The following STON1 variants were observed in gnomAD, a reference collection of about 807,000 sequenced individuals.
STON1 encodes stonin 1.
In STON1, 79 loss-of-function variants were observed where a neutral mutation model predicts 60.9. That is an observed-to-expected ratio of 1.30 (90% CI 1.08 to 1.56). STON1 has a LOEUF of 1.56. Among genes scored for constraint, STON1 ranks in the 40% most tolerant of loss-of-function variants. The pLI is 0.00. For missense variants in STON1, 1,166 were observed against 858.9 expected, an observed-to-expected ratio of 1.36 and a Z score of -4.47; for synonymous variants, 363 against 306.9, an observed-to-expected ratio of 1.18 and a Z score of -1.91.
intron 1 of STON1, among the ~76,000 whole-genome samples, chr2:48,563,588 A>C (rs6729860): frequency 0.34 from 52,403 of 152,080 alleles, 9,189 homozygotes; most frequent in South Asian, 0.41. Context: ...CCAGAGGTAA[A>C]GGTGGACTGT....
intron 1 of STON1, among the ~76,000 whole-genome samples, chr2:48,573,105 C>T (rs1673301993): frequency 6.6e-6 from 1 of 152,214 alleles, no homozygotes; most frequent in South Asian, 2.1e-4. Flanking sequence ...GCTTCATTAT[C>T]CACAAGGGGA....
intron 1 of STON1, among the ~76,000 whole-genome samples, chr2:48,558,641 G>C (rs984366308): frequency 2.6e-5 from 4 of 152,200 alleles, no homozygotes; most frequent in African/African-American, 9.6e-5. Context: ...TTACACTGGC[G>C]TTAACTGGCA....
chr2:48,557,576 A>G lies in STON1; in HGVS notation c.-47-23011A>G, dbSNP rs1210635220. 4.5e-4 allele frequency among the ~76,000 whole-genome samples: 52 copies of G among 115,710 alleles called. 4 individuals are homozygous for G. The highest frequency in any genetic ancestry group is 1.5e-3 in the African/African-American group (48 of 31,532). 75.9% of individuals were successfully genotyped at this position (115,710 alleles called of 152,430 possible). On this transcript the variant is annotated intron_variant, in intron 1 of 3. Transcript: ENST00000404752. ...GCAATCTCGGCACTTTGGGAGGCCA[A>G]GGCAGGCGGCTGGGAGGTGTAGGTT... is the stretch of plus-strand genomic sequence containing the variant.
At chr2:48,572,973 C>T (rs895837383) in intron 1 of STON1, among the ~76,000 whole-genome samples, 3 of 152,208 alleles carry the variant, frequency 2.0e-5, no homozygotes, top group Non-Finnish European at 4.4e-5. Flanking sequence ...TGTTTTTGTG[C>T]CCTCAGGAAT....
rs780204726 is a variant in STON1, at chr2:48,595,326, A to C, written c.*24A>C. On this transcript the variant is annotated 3_prime_UTR_variant, in exon 4 of 4. Transcript: ENST00000404752. ...AGGAGTAGCAAGAGTTTATGATGAC[A>C]GCCCACTTGTCAAATATGTAATTCA... 1.3e-6 allele frequency: 2 copies of C among 1,593,658 alleles called. No homozygotes were observed. The highest frequency in any genetic ancestry group is 1.7e-6 in the Non-Finnish European group (2 of 1,161,924).
At chr2:48,563,601 G>A (rs964094906) in intron 1 of STON1, among the ~76,000 whole-genome samples, 1 of 152,198 alleles carries the variant, frequency 6.6e-6, no homozygotes, top group East Asian at 1.9e-4. Flanking sequence ...TGGACTGTGT[G>A]TTCCCTAGTC....
intron 2 of STON1, among the ~76,000 whole-genome samples, chr2:48,588,754 T>C (rs1674350527): frequency 6.6e-6 from 1 of 152,174 alleles, no homozygotes; most frequent in African/African-American, 2.4e-5. Context: ...CCTTTTTTAC[T>C]GGGGAAATCA....
At chr2:48,555,292 G>T (rs1346449008) in intron 1 of STON1, among the ~76,000 whole-genome samples, 1 of 86,466 alleles carries the variant, frequency 1.2e-5, no homozygotes, top group Non-Finnish European at 2.4e-5. Context: ...CTCACCTCCC[G>T]GACGGGGCGG....
intron 2 of STON1, among the ~76,000 whole-genome samples, chr2:48,586,296 A>C (rs1228534342): frequency 2.0e-5 from 3 of 152,222 alleles, no homozygotes; most frequent in Non-Finnish European, 4.4e-5. Flanking sequence ...AACATCTACT[A>C]AAGTTCTTCT....
At chr2:48,542,112 CGT>C (rs1671680144) in intron 1 of STON1, among the ~76,000 whole-genome samples, 1 of 152,202 alleles carries the variant, frequency 6.6e-6, no homozygotes, top group Non-Finnish European at 1.5e-5. Flanking sequence ...TGCATGTGTA[CGT>C]GTGTCTCTAA....
intron 1 of STON1, among the ~76,000 whole-genome samples, chr2:48,574,797 T>C (rs1673386987): frequency 6.6e-6 from 1 of 152,258 alleles, no homozygotes. Context: ...TCTGGGTACA[T>C]AGTGATCACT....
At position 48,581,863 on chromosome 2, in the gene STON1, C is replaced by G; in HGVS notation, c.1230C>G (p.Tyr410Ter). 6.2e-7 allele frequency: 1 copy of G among 1,614,008 alleles called. No individual in the cohort carries two copies. Among genetic ancestry groups the G allele is most frequent in the Non-Finnish European group, 8.5e-7 (1 of 1,180,024 alleles). The change falls in exon 2 of 4, where the codon TAC (tyrosine) becomes TAG (stop). Residue 410 changes from tyrosine to a stop codon, truncating the protein, a stop_gained. Coordinates refer to ENST00000404752, the MANE Select transcript of STON1 (RefSeq NM_006873.4). LOFTEE classifies it high-confidence loss of function. ...CTGTTTCAAAACCAAAAAAGAACTA[C>G]GAGGAGCAAGAAATTTCCTTGGAAA... is the stretch of plus-strand genomic sequence containing the variant. ...LPAVSKPKKN[Y>*]EEQEISLEIV...
intron 2 of STON1, among the ~76,000 whole-genome samples, chr2:48,591,048 G>A (rs2103956080): frequency 6.6e-6 from 1 of 151,954 alleles, no homozygotes; most frequent in African/African-American, 2.4e-5. Context: ...ATAATTATAA[G>A]ATGTTACTCA....
At position 48,598,276 on chromosome 2, in the gene STON1, A is replaced by G. The variant is rs1674873363; in HGVS notation, c.*2974A>G. 6.6e-6 allele frequency: 1 copy of G among 152,514 alleles called. No homozygotes were observed. The allele number at this position is 152,514 out of a possible 1,614,324, so 9.4% of individuals were successfully genotyped here. Reference sequence around the variant, plus strand: ...AATTTTACAACCTGATGTATATATTAGACAGTTCTAGGATGTTAGTTCCCT... The same window carrying G: ...AATTTTACAACCTGATGTATATATTGGACAGTTCTAGGATGTTAGTTCCCT... On this transcript the variant is annotated 3_prime_UTR_variant, in exon 4 of 4. Coordinates refer to ENST00000404752, the MANE Select transcript of STON1 (RefSeq NM_006873.4).
At chr2:48,585,152 G>A (rs1204609033) in intron 2 of STON1, among the ~76,000 whole-genome samples, 1 of 152,168 alleles carries the variant, frequency 6.6e-6, no homozygotes, top group Non-Finnish European at 1.5e-5. Flanking sequence ...CACAGTAAAT[G>A]GTCTCAAACA....
At chr2:48,531,530 A>G in intron 1 of STON1, 1 of 151,788 alleles carries the variant, frequency 6.6e-6, no homozygotes, top group Non-Finnish European at 1.5e-5. Context: ...CACGATGGGG[A>G]GCCTGTTAAT....
intron 1 of STON1, among the ~76,000 whole-genome samples, chr2:48,579,960 G>A (rs1221710803): frequency 6.6e-6 from 1 of 152,180 alleles, no homozygotes; most frequent in Admixed American, 6.5e-5. Context: ...AGGCTGGAGT[G>A]CAATGGCACT....
At chr2:48,538,599 T>C (rs1323857685) in intron 1 of STON1, among the ~76,000 whole-genome samples, 1 of 151,896 alleles carries the variant, frequency 6.6e-6, no homozygotes, top group African/African-American at 2.4e-5. Context: ...CTAGCTTATA[T>C]TTCTTATTTA....
intron 1 of STON1, among the ~76,000 whole-genome samples, chr2:48,554,716 T>TAAAGCC (rs1196623137): frequency 2.4e-5 from 2 of 82,208 alleles, no homozygotes; most frequent in South Asian, 3.7e-4. Flanking sequence ...AATTTTTTTT[T>TAAAGCC]TTTTTTTTTA....
Sources: allele counts gnomAD v4.1 joint callset (sites outside exome capture counted in the v4.1 genomes callset), GRCh38; gene constraint gnomAD v4.1.1; transcripts MANE v1.5; gene names NCBI Gene and HGNC (gene_info 2026-07-23, HGNC 2026-07-21).